Variants in SUCLG1 observed in about 807,000 individuals in gnomAD.
SUCLG1 encodes the protein succinate-CoA ligase GDP/ADP-forming subunit alpha.
Under a neutral mutation model 37.3 loss-of-function variants are expected in SUCLG1, and 26 were observed. That is an observed-to-expected ratio of 0.70 (90% confidence interval 0.51 to 0.97). The LOEUF (loss-of-function observed/expected upper bound fraction) is 0.97. SUCLG1 is among the 50% of genes least tolerant of loss of function. The probability of loss-of-function intolerance (pLI) is 0.00; values close to 1 mark genes in which losing one functional copy is unlikely to be tolerated. For synonymous variants in SUCLG1, 163 were observed against 155.6 expected, an observed-to-expected ratio of 1.05 and a Z score of -0.36; for missense variants, 433 against 432.9, an observed-to-expected ratio of 1.00 and a Z score of 0.00.
intron 7 of SUCLG1, chr2:84,426,459 G>C (rs1245843209): frequency 2.0e-5 from 3 of 152,052 alleles, no homozygotes; most frequent in Non-Finnish European, 4.4e-5. Context: ...ACGAGGTCAA[G>C]AGATCGAGAC....
rs141179392 is a variant in SUCLG1 at position 84,439,726 on chromosome 2, A to T, written c.589+1321T>A. On this transcript the variant is annotated intron_variant, in intron 5 of 8. Coordinates refer to ENST00000393868, the MANE Select transcript of SUCLG1 (RefSeq NM_003849.4). Reference sequence around the variant, plus strand: ...AAAATATGGTCAATCATCTTTCATGACTGAAAAACAGTATAGTTTAGAGAA... The same window carrying T: ...AAAATATGGTCAATCATCTTTCATGTCTGAAAAACAGTATAGTTTAGAGAA... 4.8e-3 allele frequency among the ~76,000 whole-genome samples: 730 copies of T among 152,322 alleles called. 11 individuals carry two copies. In the East Asian group the frequency reaches 0.066, roughly 14 times the overall value.
In SUCLG1 at chr2:84,425,507, T is replaced by C; in HGVS notation, c.922A>G (p.Lys308Glu). 6.2e-7 allele frequency: 1 copy of C among 1,614,218 alleles called. No homozygotes were observed. Among genetic ancestry groups the C allele is most frequent in the South Asian group, 1.1e-5 (1 of 91,088 alleles). Reference sequence around the variant, plus strand: ...GAGATCTTCTCTTTAGCTCCACCTTTTCCTCCAGCAATAATTGCCCCGGCA... The same window carrying C: ...GAGATCTTCTCTTTAGCTCCACCTTCTCCTCCAGCAATAATTGCCCCGGCA... Reference protein sequence around the residue: ...GHAGAIIAGGKGGAKEKISAL... With the variant: ...GHAGAIIAGGEGGAKEKISAL... The change falls in exon 8 of 9, where the codon AAA becomes GAA. Residue 308 changes from lysine to glutamate, a missense_variant. By Grantham distance (56) the Lys-to-Glu change is moderately conservative. Coordinates refer to ENST00000393868, the MANE Select transcript of SUCLG1 (RefSeq NM_003849.4).
At chr2:84,458,245 T>C (rs150759567) in intron 1 of SUCLG1, among the ~76,000 whole-genome samples, 376 of 152,244 alleles carry the variant, frequency 2.5e-3, no homozygotes, top group African/African-American at 8.6e-3. Context: ...AAGCAATCGT[T>C]CTTCATTGTT....
intron 2 of SUCLG1, among the ~76,000 whole-genome samples, chr2:84,446,434 G>C (rs1672853434): frequency 6.6e-6 from 1 of 152,124 alleles, no homozygotes; most frequent in African/African-American, 2.4e-5. Flanking sequence ...TTCAAAATGT[G>C]GTCCCAACTA....
chr2:84,443,341 A>G lies in SUCLG1; in HGVS notation c.261T>C (p.Thr87=). Reference sequence around the variant, plus strand: ...GATGTGTCTGGCCTCCTTTCCCTGGAGTGGTTCCTCCAACGAGTTTGGTGC... The same window carrying G: ...GATGTGTCTGGCCTCCTTTCCCTGGGGTGGTTCCTCCAACGAGTTTGGTGC... ...EYGTKLVGGT[T]PGKGGQTHLG... The change falls in exon 3 of 9, where the codon ACT becomes ACC. Residue 87 remains threonine (T), a synonymous_variant. Coordinates refer to ENST00000393868, the MANE Select transcript of SUCLG1 (RefSeq NM_003849.4). 6.2e-7 allele frequency: 1 copy of G among 1,614,166 alleles called. No individual in the cohort carries two copies. Among genetic ancestry groups the G allele is most frequent in the Non-Finnish European group, 8.5e-7 (1 of 1,180,016 alleles).
chr2:84,456,322 G>C (rs1673019531), intron 1 of SUCLG1, among the ~76,000 whole-genome samples: 1 of 152,144 alleles, frequency 6.6e-6, no homozygotes. Context: ...GAAGACCTGG[G>C]TGCTAGTATC....
intron 1 of SUCLG1, among the ~76,000 whole-genome samples, chr2:84,451,297 T>TCATAC (rs1460387416): frequency 6.6e-6 from 1 of 151,856 alleles, no homozygotes; most frequent in Non-Finnish European, 1.5e-5. Context: ...TCATATCATA[T>TCATAC]CATACCATAT....
chr2:84,448,449 G>T, intron 2 of SUCLG1, among the ~76,000 whole-genome samples: 1 of 142,352 alleles, frequency 7.0e-6, no homozygotes. Flanking sequence ...CTCTGCTCTA[G>T]ATTACCAAAA....
At position 84,459,190 on chromosome 2, in the gene SUCLG1, A is replaced by G; in HGVS notation, c.80T>C (p.Leu27Pro). Residue 27 changes from leucine to proline, a missense_variant, in exon 1 of 9, where the codon CTG becomes CCG. By Grantham distance (98) the Leu-to-Pro change is moderately conservative. Transcript: ENST00000393868. Reference sequence around the variant, plus strand: ...GGACTCACGGAGGAAGCTGCGCGACAGGAGACGGGCGGCGGCGAGGCCGCT... The same window carrying G: ...GGACTCACGGAGGAAGCTGCGCGACGGGAGACGGGCGGCGGCGAGGCCGCT... ...GSSGLAAARL[L>P]SRSFLLPQNG... 2 of 1,549,892 alleles carry G rather than the reference A, an allele frequency of 1.3e-6. No homozygotes were observed. The highest frequency in any genetic ancestry group is 1.7e-6 in the Non-Finnish European group (2 of 1,146,562).
At chr2:84,431,214 C>T (rs934481773) in intron 7 of SUCLG1, among the ~76,000 whole-genome samples, 1 of 152,132 alleles carries the variant, frequency 6.6e-6, no homozygotes, top group African/African-American at 2.4e-5. Flanking sequence ...GTCTGCAGGT[C>T]AAGTGCGGGC....
intron 1 of SUCLG1, among the ~76,000 whole-genome samples, chr2:84,453,912 G>T (rs573667439): frequency 6.6e-6 from 1 of 152,294 alleles, no homozygotes; most frequent in Non-Finnish European, 1.5e-5. Flanking sequence ...AATCAGACAG[G>T]CCTGGTCTTG....
intron 5 of SUCLG1, among the ~76,000 whole-genome samples, chr2:84,436,393 C>A (rs6729777): frequency 2.6e-5 from 4 of 152,328 alleles, no homozygotes; most frequent in East Asian, 1.9e-4. Flanking sequence ...TTATATTTGC[C>A]TTACAGAAAG....
rs1205029284 is a variant in SUCLG1 at position 84,425,400 on chromosome 2, A to G, written c.1014+15T>C. 8 of 1,613,942 alleles carry G rather than the reference A, an allele frequency of 5.0e-6. No individual in the cohort carries two copies. The East Asian group carries it at 8.9e-5, about 18-fold the overall frequency. ...CCTGCAACCTCAGAGCACCTGGGCC[A>G]CTGTTGGAGCTCACCTTGTAGATCG... On this transcript the variant is annotated intron_variant, in intron 8 of 8. Coordinates refer to ENST00000393868, the MANE Select transcript of SUCLG1 (RefSeq NM_003849.4).
chr2:84,428,019 G>C (rs1672560065), intron 7 of SUCLG1, among the ~76,000 whole-genome samples: 1 of 152,116 alleles, frequency 6.6e-6, no homozygotes, highest in Non-Finnish European at 1.5e-5. Flanking sequence ...AGCATGCAAG[G>C]AGCTACATGG....
At chr2:84,426,268 T>A (rs1239642812) in intron 7 of SUCLG1, 1 of 150,604 alleles carries the variant, frequency 6.6e-6, no homozygotes, top group African/African-American at 2.4e-5. Flanking sequence ...TATACTAGAT[T>A]CTGAGGTTTA....
chr2:84,451,023 C>T (rs1672932472), intron 1 of SUCLG1, among the ~76,000 whole-genome samples: 1 of 152,196 alleles, frequency 6.6e-6, no homozygotes, highest in South Asian at 2.1e-4. Context: ...CACAGCTAAG[C>T]ATCTGACTCT....
intron 2 of SUCLG1, among the ~76,000 whole-genome samples, chr2:84,446,799 C>T (rs1672859053): frequency 6.6e-6 from 1 of 152,174 alleles, no homozygotes; most frequent in Non-Finnish European, 1.5e-5. Context: ...GACATTGCTA[C>T]AGCTTTTACT....
chr2:84,439,171 A>G (rs1459897317), intron 5 of SUCLG1, among the ~76,000 whole-genome samples: 1 of 151,104 alleles, frequency 6.6e-6, no homozygotes, highest in Non-Finnish European at 1.5e-5. Context: ...ACAGTGTCAC[A>G]TATTTTCTTC....
chr2:84,426,794 G>A (rs797010429), intron 7 of SUCLG1: 6 of 152,240 alleles, frequency 3.9e-5, no homozygotes, highest in African/African-American at 1.4e-4. Context: ...GGACTGAAAA[G>A]GCAGAACTTG....
Sources: allele counts gnomAD v4.1 joint callset (sites outside exome capture counted in the v4.1 genomes callset), GRCh38; gene constraint gnomAD v4.1.1; transcripts MANE v1.5; gene names NCBI Gene and HGNC (gene_info 2026-07-23, HGNC 2026-07-21).